Variants in NKAIN2 observed in about 807,000 individuals in gnomAD.
The protein encoded by NKAIN2 is sodium/potassium-transporting ATPase subunit beta-1-interacting protein 2.
Under a neutral mutation model 32.6 loss-of-function variants are expected in NKAIN2, and 14 were observed. The ratio of observed to expected loss-of-function variants is 0.43; its 90% CI spans 0.28 to 0.67. The LOEUF (loss-of-function observed/expected upper bound fraction) is 0.67. NKAIN2 is among the 30% of genes least tolerant of loss of function. NKAIN2 has a pLI of 0.17. For missense variants in NKAIN2, 198 were observed against 258.3 expected (o/e 0.77, Z 1.60); for synonymous variants, 80 against 87.2 (o/e 0.92, Z 0.46).
At chr6:124,187,747 C>G (rs1381916664) in intron 1 of NKAIN2, among the ~76,000 whole-genome samples, 1 of 152,166 alleles carries the variant, frequency 6.6e-6, no homozygotes, top group East Asian at 1.9e-4. Context: ...ACGCAACTCT[C>G]TATTTTCAAG....
intron 1 of NKAIN2, among the ~76,000 whole-genome samples, chr6:124,261,280 A>T (rs144760933): frequency 6.6e-6 from 1 of 152,052 alleles, no homozygotes; most frequent in East Asian, 1.9e-4. Flanking sequence ...CTTTCTTTTT[A>T]CTATTATGCA....
intron 4 of NKAIN2, among the ~76,000 whole-genome samples, chr6:124,666,394 C>T (rs946019352): frequency 6.6e-6 from 1 of 152,100 alleles, no homozygotes; most frequent in African/African-American, 2.4e-5. Context: ...GTCCCACAGA[C>T]TAATTTCAGA....
At chr6:124,027,876 A>G (rs1034634562) in intron 1 of NKAIN2, among the ~76,000 whole-genome samples, 14 of 152,176 alleles carry the variant, frequency 9.2e-5, no homozygotes, top group African/African-American at 3.4e-4. Context: ...TATATTTTAA[A>G]TAAACATCCA....
At chr6:123,925,860 A>G (rs1486125250) in intron 1 of NKAIN2, among the ~76,000 whole-genome samples, 2 of 152,216 alleles carry the variant, frequency 1.3e-5, no homozygotes, top group African/African-American at 4.8e-5. Flanking sequence ...TCAGGTTGCT[A>G]TAACAAAGTA....
At chr6:124,330,863 G>A (rs1022308316) in intron 2 of NKAIN2, among the ~76,000 whole-genome samples, 4 of 152,076 alleles carry the variant, frequency 2.6e-5, no homozygotes, top group African/African-American at 4.8e-5. Context: ...TCACAGGAGC[G>A]CCAACCCTAT....
intron 2 of NKAIN2, among the ~76,000 whole-genome samples, chr6:124,299,796 G>T (rs181767088): frequency 1.3e-5 from 2 of 152,278 alleles, no homozygotes; most frequent in East Asian, 3.9e-4. Flanking sequence ...TGTTGCCTAC[G>T]AAAATGTATG....
chr6:124,389,755 T>C (rs1002837425), intron 3 of NKAIN2, among the ~76,000 whole-genome samples: 1 of 148,684 alleles, frequency 6.7e-6, no homozygotes, highest in East Asian at 2.0e-4. Context: ...GTGTGTGGGT[T>C]TGAATCTGTG....
At chr6:124,041,968 G>A (rs1296677747) in intron 1 of NKAIN2, among the ~76,000 whole-genome samples, 1 of 151,976 alleles carries the variant, frequency 6.6e-6, no homozygotes, top group African/African-American at 2.4e-5. Flanking sequence ...TTTCCTTAGG[G>A]GGACAAACTG....
intron 1 of NKAIN2, among the ~76,000 whole-genome samples, chr6:124,076,917 G>T (rs570167845): frequency 6.6e-6 from 1 of 152,256 alleles, no homozygotes; most frequent in African/African-American, 2.4e-5. Context: ...TATAAACACT[G>T]TCTCAGTTTG....
intron 1 of NKAIN2, among the ~76,000 whole-genome samples, chr6:124,199,302 C>A (rs802279): frequency 6.6e-6 from 1 of 151,880 alleles, no homozygotes; most frequent in African/African-American, 2.4e-5. Context: ...TGAATTGATA[C>A]GGTGTAATCT....
intron 1 of NKAIN2, among the ~76,000 whole-genome samples, chr6:123,886,770 A>T (rs553985300): frequency 2.6e-5 from 4 of 152,272 alleles, no homozygotes; most frequent in African/African-American, 9.6e-5. Context: ...ACAGTAAAAC[A>T]TTTTGTCAGT....
At chr6:124,389,609 A>G (rs542366037) in intron 3 of NKAIN2, among the ~76,000 whole-genome samples, 5 of 152,026 alleles carry the variant, frequency 3.3e-5, no homozygotes, top group Non-Finnish European at 5.9e-5. Context: ...AGTGTTAAGA[A>G]AAGGTAAGAT....
intron 3 of NKAIN2, among the ~76,000 whole-genome samples, chr6:124,594,955 A>G (rs1359150433): frequency 6.6e-6 from 1 of 152,140 alleles, no homozygotes; most frequent in Non-Finnish European, 1.5e-5. Context: ...AAATTGAGGT[A>G]ATTTCTCCCT....
chr6:124,427,407 T>A (rs1583235175), intron 3 of NKAIN2, among the ~76,000 whole-genome samples: 1 of 152,182 alleles, frequency 6.6e-6, no homozygotes, highest in African/African-American at 2.4e-5. Flanking sequence ...TTGATTATGG[T>A]GATGATTTCA....
At chr6:124,011,021 C>G (rs1173340523) in intron 1 of NKAIN2, among the ~76,000 whole-genome samples, 13 of 151,734 alleles carry the variant, frequency 8.6e-5, no homozygotes, top group Non-Finnish European at 1.3e-4. Flanking sequence ...TTCTTTAACT[C>G]TAATTCACTG....
chr6:124,635,691 AAAG>A, intron 3 of NKAIN2, among the ~76,000 whole-genome samples: 1 of 152,206 alleles, frequency 6.6e-6, no homozygotes, highest in East Asian at 1.9e-4. Context: ...AAAATATTAT[AAAG>A]AAGGTCATTG....
chr6:124,093,317 C>A (rs980749041), intron 1 of NKAIN2, among the ~76,000 whole-genome samples: 1 of 152,016 alleles, frequency 6.6e-6, no homozygotes, highest in Non-Finnish European at 1.5e-5. Context: ...TTGGGGTAAA[C>A]CTAATAGTGT....
chr6:124,708,197 C>G (rs907756472), intron 4 of NKAIN2, among the ~76,000 whole-genome samples: 1 of 144,074 alleles, frequency 6.9e-6, no homozygotes, highest in Non-Finnish European at 1.5e-5. Flanking sequence ...TTCCATTGAT[C>G]TATATCTCTG....
At chr6:124,111,905 C>T (rs73565482) in intron 1 of NKAIN2, among the ~76,000 whole-genome samples, 8,182 of 151,822 alleles carry the variant, frequency 0.054, 707 homozygotes, top group African/African-American at 0.18. Flanking sequence ...CAACTGTCTA[C>T]TTTATGCTAA....
Sources: gnomAD v4.1 joint callset for allele counts (sites outside exome capture counted in the v4.1 genomes callset) on GRCh38, gnomAD v4.1.1 for gene constraint, MANE v1.5 for transcripts, NCBI Gene and HGNC (gene_info 2026-07-23, HGNC 2026-07-21) for gene names.